The following ZBTB46 variants were observed in gnomAD, a reference collection of about 807,000 sequenced individuals.
ZBTB46 encodes the protein zinc finger and BTB domain containing 46, also known as zinc finger and BTB domain-containing protein 46.
ZBTB46 carries 8 observed loss-of-function variants against 44.1 expected under a neutral mutation model. The observed-to-expected ratio is 0.18, with a 90% CI of 0.11 to 0.33. The LOEUF is 0.33. Among genes scored for constraint, ZBTB46 ranks in the 10% least tolerant of loss-of-function variants. The pLI, the probability that ZBTB46 is intolerant of heterozygous loss-of-function variation, is 1.00. For synonymous variants in ZBTB46, 409 were observed against 382.3 expected, an observed-to-expected ratio of 1.07 and a Z score of -0.81; for missense variants, 651 against 847.7, an observed-to-expected ratio of 0.77 and a Z score of 2.88.
rs763942434 is a variant in ZBTB46 at position 63,790,281 on chromosome 20, C to T, written c.477G>A (p.Ser159=). The change falls in exon 2 of 5, where the codon TCG becomes TCA. Residue 159 remains serine, a synonymous_variant. Coordinates refer to ENST00000245663, the MANE Select transcript of ZBTB46 (RefSeq NM_001369741.1). ...AGATGCTCCTCCCAGCCATCACGGC[C>T]GAGATGAGAGCTTCCGTGCTGCTGC... ...SSSSSTEALI[S]AVMAGRSISP... 5.6e-6 allele frequency: 9 copies of T among 1,612,710 alleles called. No homozygotes were observed. The highest frequency in any genetic ancestry group is 3.3e-5 in the South Asian group (3 of 90,926).
chr20:63,763,902 C>T (rs895451547), intron 3 of ZBTB46, among the ~76,000 whole-genome samples: 2 of 152,100 alleles, frequency 1.3e-5, no homozygotes, highest in African/African-American at 4.8e-5. Context: ...ATAATTGTTG[C>T]TTTAAACAAT....
intron 1 of ZBTB46, among the ~76,000 whole-genome samples, chr20:63,828,148 T>C (rs1230253157): frequency 6.6e-6 from 1 of 152,222 alleles, no homozygotes; most frequent in Non-Finnish European, 1.5e-5. Context: ...AACAACACCA[T>C]TGGGGCCCTT....
At chr20:63,762,666 A>AAAC (rs2092287171) in intron 3 of ZBTB46, among the ~76,000 whole-genome samples, 2 of 105,402 alleles carry the variant, frequency 1.9e-5, no homozygotes, top group African/African-American at 9.3e-5. Flanking sequence ...ACAAACAAAC[A>AAAC]AACAAACAAA....
intron 3 of ZBTB46, among the ~76,000 whole-genome samples, chr20:63,764,665 C>T (rs1209242931): frequency 2.7e-5 from 4 of 150,656 alleles, no homozygotes; most frequent in Non-Finnish European, 5.9e-5. Context: ...TGCAATGGCT[C>T]GATCTCAGCT....
At chr20:63,801,526 C>T (rs993874545) in intron 1 of ZBTB46, among the ~76,000 whole-genome samples, 5 of 152,128 alleles carry the variant, frequency 3.3e-5, no homozygotes, top group East Asian at 1.9e-4. Flanking sequence ...GCTGGGGTCC[C>T]CTTTCATACA....
In ZBTB46 at chr20:63,789,949, C is replaced by T. The variant is rs2092546704; in HGVS notation, c.809G>A (p.Arg270Lys). The change falls in exon 2 of 5, where the codon AGG becomes AAG. Residue 270 changes from arginine to lysine, a missense_variant. Arg to Lys is a conservative substitution (Grantham distance 26, BLOSUM62 2). Transcript: ENST00000245663. ...GGTCTCTTTGTTTTTCCGATTCTTC[C>T]TTCGGCCCGTGGGCTGCCAGGCATC... Reference protein sequence around the residue: ...AGDAWQPTGRRKNRKNKETVR... With the variant: ...AGDAWQPTGRKKNRKNKETVR... 2 of 1,614,058 alleles carry T rather than the reference C, an allele frequency of 1.2e-6. No homozygotes were observed. The highest frequency in any genetic ancestry group is 2.7e-5 in the African/African-American group (2 of 74,956).
rs924016328 is a variant in ZBTB46 at position 63,798,504 on chromosome 20, G to A, written c.-33-7714C>T. 4.2e-4 allele frequency among the ~76,000 whole-genome samples: 64 copies of A among 151,560 alleles called. 1 individual carries two copies. The highest frequency in any genetic ancestry group is 2.7e-4 in the Non-Finnish European group (18 of 67,924). ...AGCCTGGCCAACATGGTCAAACCCC[G>A]TCTCTACTAAAAATACAAAAATTAG... is the stretch of plus-strand genomic sequence containing the variant. On this transcript the variant is annotated intron_variant, in intron 1 of 4. Coordinates refer to ENST00000245663, the MANE Select transcript of ZBTB46 (RefSeq NM_001369741.1).
At chr20:63,815,621 AAGGTGC>A (rs2092747174) in intron 1 of ZBTB46, among the ~76,000 whole-genome samples, 1 of 85,560 alleles carries the variant, frequency 1.2e-5, no homozygotes, top group African/African-American at 4.6e-5. Flanking sequence ...ACAGGTGCAG[AAGGTGC>A]AGGTGCAGTG....
Position 63,747,000 on chromosome 20 carries a change from T to A in ZBTB46, c.1700A>T (p.Asp567Val), listed in dbSNP as rs748423594. The A allele has an allele frequency of 1.9e-6, 3 of 1,607,662 alleles. No individual in the cohort carries two copies. The highest frequency in any genetic ancestry group is 1.3e-5 in the African/African-American group (1 of 75,012). The change falls in exon 5 of 5, where the codon GAT (aspartate) becomes GTT (valine). Residue 567 changes from aspartate to valine, a missense_variant. By Grantham distance (152) the Asp-to-Val change is radical. Transcript: ENST00000245663. The stretch of plus-strand genomic sequence containing the variant: ...GCGCGGCCGCGGCGAGTCTTCCTCA[T>A]CCTTGTCGTCCGCCAACAGCGCATC... ...PEDALLADDK[D>V]EEDSPRPRSP...
rs766475341 is a variant in ZBTB46 at position 63,752,651 on chromosome 20, G to A, written c.1398+35C>T. On this transcript the variant is annotated intron_variant, in intron 4 of 4. Coordinates refer to ENST00000245663, the MANE Select transcript of ZBTB46 (RefSeq NM_001369741.1). The surrounding 1 kb of genome is among the most constrained non-coding windows in gnomAD (Gnocchi z 5.6). ...GCCTGCCCGGACATCGTGGCCACGC[G>A]CAGCGCGCGGCACGCGGACCCTCCC... The A allele has an allele frequency of 2.4e-4, 352 of 1,481,214 alleles. 4 individuals carry two copies. In the East Asian group the frequency reaches 8.2e-3, roughly 35 times the overall value. The allele number at this position is 1,481,214 out of a possible 1,614,324, so 91.8% of individuals were successfully genotyped here. A position where few individuals can be genotyped will look rare whatever the true frequency, so the allele number is the denominator to read the frequency against.
chr20:63,801,502 A>G (rs976222690), intron 1 of ZBTB46, among the ~76,000 whole-genome samples: 1 of 152,234 alleles, frequency 6.6e-6, no homozygotes, highest in Non-Finnish European at 1.5e-5. Flanking sequence ...TGCCCCAACC[A>G]GCAGTGGCAA....
chr20:63,774,207 A>G (rs909194865), intron 3 of ZBTB46, among the ~76,000 whole-genome samples: 2 of 151,884 alleles, frequency 1.3e-5, no homozygotes, highest in African/African-American at 4.8e-5. Context: ...ACGGCTCCTC[A>G]CTGAGTACAC....
intron 1 of ZBTB46, among the ~76,000 whole-genome samples, chr20:63,822,674 G>A (rs543263902): frequency 1.2e-4 from 19 of 152,210 alleles, no homozygotes; most frequent in African/African-American, 2.9e-4. Flanking sequence ...CGGCCAACCC[G>A]GCAAGCACGA....
intron 3 of ZBTB46, among the ~76,000 whole-genome samples, chr20:63,754,396 A>G (rs1202846926): frequency 6.6e-6 from 1 of 152,158 alleles, no homozygotes; most frequent in African/African-American, 2.4e-5. Flanking sequence ...CGCTCCACAC[A>G]TTCTAGGCTA....
chr20:63,781,457 T>C (rs1419895315), intron 2 of ZBTB46, among the ~76,000 whole-genome samples: 1 of 152,062 alleles, frequency 6.6e-6, no homozygotes, highest in Non-Finnish European at 1.5e-5. Context: ...AAAAAAGATA[T>C]ATGAATGGCA....
At chr20:63,829,732 C>CT (rs1426779910) in intron 1 of ZBTB46, among the ~76,000 whole-genome samples, 12 of 152,230 alleles carry the variant, frequency 7.9e-5, no homozygotes, top group Non-Finnish European at 1.3e-4. Context: ...TGAAAAACCC[C>CT]TTCTATACAT....
intron 3 of ZBTB46, among the ~76,000 whole-genome samples, chr20:63,757,324 T>C (rs190922545): frequency 2.0e-5 from 3 of 152,304 alleles, no homozygotes; most frequent in South Asian, 4.1e-4. Flanking sequence ...GGTTTCGCCA[T>C]GTTGGCCAGG....
intron 3 of ZBTB46, among the ~76,000 whole-genome samples, chr20:63,757,871 G>GCCCATCCAAA (rs2092235709): frequency 4.2e-5 from 1 of 24,076 alleles, no homozygotes; most frequent in Non-Finnish European, 7.9e-5. Context: ...GCCCATCCAG[G>GCCCATCCAAA]GCTCACACTC....
At chr20:63,771,918 CT>C (rs139919499) in intron 3 of ZBTB46, among the ~76,000 whole-genome samples, 6,966 of 152,152 alleles carry the variant, frequency 0.046, 188 homozygotes, top group Non-Finnish European at 0.056. Context: ...GGGCAGGCGT[CT>C]GGGGCATCCA....
Sources: gnomAD v4.1 joint callset for allele counts (sites outside exome capture counted in the v4.1 genomes callset) on GRCh38, gnomAD v4.1.1 for gene constraint, Gnocchi (gnomAD v3.1) non-coding constraint, MANE v1.5 for transcripts, NCBI Gene and HGNC (gene_info 2026-07-23, HGNC 2026-07-21) for gene names.